The following AHNAK variants were observed in gnomAD, a reference collection of about 807,000 sequenced individuals.
AHNAK encodes AHNAK nucleoprotein.
AHNAK carries 23 observed loss-of-function variants against 37.8 expected under a neutral mutation model. That is an observed-to-expected ratio of 0.61 (90% CI 0.44 to 0.86). AHNAK has a LOEUF of 0.86. AHNAK is among the 40% of genes least tolerant of loss of function. The pLI is 0.00. For synonymous variants in AHNAK, 2,481 were observed against 2,636.3 expected (o/e 0.94, Z 1.80); for missense variants, 7,411 against 7,319.4 (o/e 1.01, Z -0.46).
At position 62,473,388 on chromosome 11, in the gene AHNAK, TAAAAAAAAAAAAAA is replaced by T. The variant is rs34585695; in HGVS notation, c.442+18330_442+18343del. Among the ~76,000 whole-genome samples the T allele has an allele frequency of 1.6e-4, 5 of 31,818 alleles. No individual in the cohort carries two copies. The Admixed American group carries it at 2.5e-3, about 16-fold the overall frequency. 20.9% of individuals were successfully genotyped at this position (31,818 alleles called of 152,430 possible). ...TTGGGCAAAAGGTCGAGACTCCATC[TAAAAAAAAAAAAAA>T]AAAAAAAAAAAGGCTGGGTGCGGTG... On this transcript the variant is annotated intron_variant, in intron 5 of 5. Coordinates refer to the AHNAK transcript ENST00000257247.
rs201567026 is a variant in AHNAK at position 62,522,531 on chromosome 11, G to A, written c.11886C>T (p.Asp3962=). The part of the protein sequence containing the change: ...VDVNLPKADL[D]VSGPKVDVDV... ...CAACGTCCACCTTGGGTCCTGAGAC[G>A]TCAAGGTCAGCCTTGGGCAGGTTCA... The change falls in exon 5 of 5, where the codon GAC becomes GAT. Residue 3962 remains aspartate, a synonymous_variant. Transcript: ENST00000378024. The A allele has an allele frequency of 1.3e-4, 206 of 1,608,454 alleles. No homozygotes were observed. Among genetic ancestry groups the A allele is most frequent in the East Asian group, 2.9e-4 (13 of 44,464 alleles).
chr11:62,447,579 A>G (rs1035316230), intron 5 of AHNAK, among the ~76,000 whole-genome samples: 4 of 152,106 alleles, frequency 2.6e-5, no homozygotes, highest in African/African-American at 9.7e-5. Flanking sequence ...AGAAAAATCA[A>G]CCCTTTCATC....
chr11:62,506,747 C>T (rs1002713802), intron 4 of AHNAK, among the ~76,000 whole-genome samples: 1 of 152,086 alleles, frequency 6.6e-6, no homozygotes, highest in African/African-American at 2.4e-5. Context: ...TAGTTTCTCC[C>T]TTGTTTATTA....
In AHNAK at chr11:62,522,488, T is replaced by C. The variant is rs372272590; in HGVS notation, c.11929A>G (p.Ile3977Val). The C allele has an allele frequency of 8.7e-6, 14 of 1,613,388 alleles. No homozygotes were observed. The African/African-American group carries it at 1.9e-4, about 22-fold the overall frequency. The change falls in exon 5 of 5, where the codon ATT becomes GTT. Residue 3977 changes from isoleucine (I) to valine (V), a missense_variant. Transcript: ENST00000378024. ...KVDVDVPDVN[I>V]EGPDAKLKGP... is the part of the protein sequence containing the mutation. ...TTCAGTTTCGCATCTGGACCTTCAA[T>C]ATTCACATCTGGAACATCAACGTCC...
chr11:62,456,200 G>C (rs547190773), intron 5 of AHNAK, among the ~76,000 whole-genome samples: 97 of 152,254 alleles, frequency 6.4e-4, no homozygotes, highest in African/African-American at 2.2e-3. Context: ...TGGACTTCCA[G>C]CCTCCAGAAT....
chr11:62,538,205 GC>G (rs112716967), intron 1 of AHNAK, among the ~76,000 whole-genome samples: 1 of 152,102 alleles, frequency 6.6e-6, no homozygotes, highest in East Asian at 1.9e-4. Flanking sequence ...AACAAAGGAG[GC>G]CCCGGCCCCA....
intron 5 of AHNAK, among the ~76,000 whole-genome samples, chr11:62,434,645 G>A (rs749752646): frequency 4.6e-5 from 7 of 151,916 alleles, no homozygotes; most frequent in South Asian, 2.1e-4. Flanking sequence ...TCCAGCTTTC[G>A]GGCCAGGCGC....
At chr11:62,494,418 C>T (rs925439167) in intron 4 of AHNAK, among the ~76,000 whole-genome samples, 7 of 152,032 alleles carry the variant, frequency 4.6e-5, no homozygotes, top group African/African-American at 1.7e-4. Context: ...TAATGGCAAA[C>T]ACATTGGCGC....
chr11:62,473,866 G>C (rs961215136), intron 5 of AHNAK, among the ~76,000 whole-genome samples: 6 of 151,866 alleles, frequency 4.0e-5, no homozygotes, highest in Admixed American at 1.3e-4. Flanking sequence ...TGGACATGGT[G>C]ATGTGTGCCT....
chr11:62,545,756 A>T (rs1941287500), intron 1 of AHNAK: 2 of 152,476 alleles, frequency 1.3e-5, no homozygotes, highest in African/African-American at 4.8e-5. Context: ...CTCCTCCCTG[A>T]GTTCTGGTTT....
In AHNAK at chr11:62,478,994, G is replaced by A. The variant is rs147360656; in HGVS notation, c.442+12738C>T. 7.2e-5 allele frequency among the ~76,000 whole-genome samples: 11 copies of A among 152,056 alleles called. No individual in the cohort carries two copies. In the East Asian group the frequency reaches 1.5e-3, roughly 21 times the overall value. On this transcript the variant is annotated intron_variant, in intron 5 of 5. Coordinates refer to the AHNAK transcript ENST00000257247. ...GGATTCAAGTGATTCTCCTGCCTCA[G>A]CCTCCTGAGTAGCTGGAACTACAGA...
rs1939032858 is a variant in AHNAK at position 62,471,408 on chromosome 11, C to G, written c.442+20324G>C. 2.0e-5 allele frequency among the ~76,000 whole-genome samples: 3 copies of G among 152,154 alleles called. No homozygotes were observed. The South Asian group carries it at 6.2e-4, about 32-fold the overall frequency. ...CAGGCTGGTCTTGAACTCCTGACCT[C>G]AGGTGATCCGCCCACCTCAGCCTCC... On this transcript the variant is annotated intron_variant, in intron 5 of 5. Transcript: ENST00000257247.
chr11:62,454,280 G>A (rs1415433474), intron 5 of AHNAK, among the ~76,000 whole-genome samples: 1 of 151,122 alleles, frequency 6.6e-6, no homozygotes, highest in East Asian at 1.9e-4. Flanking sequence ...GGGCGTGGTG[G>A]CGGGCGCCTG....
Position 62,530,532 on chromosome 11 carries a change from T to G in AHNAK, c.3885A>C (p.Pro1295=). The change falls in exon 5 of 5, where the codon CCA becomes CCC. Residue 1295 remains proline (P), a synonymous_variant. Coordinates refer to ENST00000378024, the MANE Select transcript of AHNAK (RefSeq NM_001620.3). Reference sequence around the variant, plus strand: ...CTTCCGGGCCCTCAAGGCTCACATCTGGGACTTCAACATCCACCTTGGGTC... The same window carrying G: ...CTTCCGGGCCCTCAAGGCTCACATCGGGGACTTCAACATCCACCTTGGGTC... ...VSGPKVDVEV[P]DVSLEGPEGK... 6.2e-7 allele frequency: 1 copy of G among 1,611,022 alleles called. No individual in the cohort carries two copies. Among genetic ancestry groups the G allele is most frequent in the Non-Finnish European group, 8.5e-7 (1 of 1,179,330 alleles).
downstream of AHNAK, among the ~76,000 whole-genome samples, chr11:62,511,511 C>A (rs752173849): frequency 6.6e-6 from 1 of 152,186 alleles, no homozygotes. Context: ...CCACCTCGAC[C>A]TCCCAAAGTG....
Position 62,500,541 on chromosome 11 carries a change from G to A in AHNAK, c.343-8710C>T, listed in dbSNP as rs567438424. Among the ~76,000 whole-genome samples, 6 of 152,284 alleles carry A rather than the reference G, an allele frequency of 3.9e-5. No individual in the cohort carries two copies. In the South Asian group the frequency reaches 1.2e-3, roughly 32 times the overall value. ...CTACGTGCTGTCCCTCAGAGAGCCC[G>A]ATGATGACACACAGGGCGTGGTATG... On this transcript the variant is annotated intron_variant, in intron 4 of 5. Coordinates refer to the AHNAK transcript ENST00000257247.
chr11:62,528,142 C>A lies in AHNAK; in HGVS notation c.6275G>T (p.Ser2092Ile). ...PKVDVEVPDV[S>I]LEGPEGKLKG... Reference sequence around the variant, plus strand: ...CAGCTTCCCTTCTGGACCTTCAAGGCTCACATCTGGGACTTCAACATCCAC... The same window carrying A: ...CAGCTTCCCTTCTGGACCTTCAAGGATCACATCTGGGACTTCAACATCCAC... The change falls in exon 5 of 5, where the codon AGC becomes ATC. Residue 2092 changes from serine to isoleucine, a missense_variant. Physicochemically the swap from Ser to Ile is moderately radical, Grantham distance 142. Transcript: ENST00000378024. 3.1e-6 allele frequency: 5 copies of A among 1,612,450 alleles called. No individual in the cohort carries two copies. Among genetic ancestry groups the A allele is most frequent in the Non-Finnish European group, 4.2e-6 (5 of 1,179,644 alleles).
At chr11:62,479,427 A>G (rs1939219895) in intron 5 of AHNAK, among the ~76,000 whole-genome samples, 1 of 151,138 alleles carries the variant, frequency 6.6e-6, no homozygotes, top group Admixed American at 6.6e-5. Flanking sequence ...TCAGCCTCCC[A>G]AAGTACTGGG....
Position 62,525,187 on chromosome 11 carries a change from G to A in AHNAK, c.9230C>T (p.Pro3077Leu), listed in dbSNP as rs566795909. The change falls in exon 5 of 5, where the codon CCC becomes CTC. Residue 3077 changes from proline to leucine, a missense_variant. By Grantham distance (98) the Pro-to-Leu change is moderately conservative. Transcript: ENST00000378024. ...GTTCATCTCAGGCATTTTGAATTTG[G>A]GACCTTTCAACTTTCCCTCTGGGCC... Reference protein sequence around the residue: ...IEGPEGKLKGPKFKMPEMNIK... With the variant: ...IEGPEGKLKGLKFKMPEMNIK... 1.4e-5 allele frequency: 23 copies of A among 1,611,644 alleles called. No homozygotes were observed. In the Admixed American group the frequency reaches 2.5e-4, roughly 18 times the overall value.
Sources: gnomAD v4.1 joint callset for allele counts (sites outside exome capture counted in the v4.1 genomes callset) on GRCh38, gnomAD v4.1.1 for gene constraint, MANE v1.5 for transcripts, NCBI Gene and HGNC (gene_info 2026-07-23, HGNC 2026-07-21) for gene names.